The following GABRG3 variants were observed in gnomAD, a reference collection of about 807,000 sequenced individuals.
GABRG3 encodes gamma-aminobutyric acid receptor subunit gamma-3.
In GABRG3, 25 loss-of-function variants were observed where a neutral mutation model predicts 48.8. That is an observed-to-expected ratio of 0.51 (90% CI 0.37 to 0.72). The LOEUF is 0.72. GABRG3 is among the 30% of genes least tolerant of loss of function. GABRG3 has a pLI of 0.00. For synonymous variants in GABRG3, 227 were observed against 217.6 expected (o/e 1.04, Z -0.38); for missense variants, 394 against 577.9 (o/e 0.68, Z 3.26).
chr15:27,350,414 G>T (rs1894523106), intron 5 of GABRG3: 1 of 315,812 alleles, frequency 3.2e-6, no homozygotes, highest in East Asian at 7.9e-5. Flanking sequence ...TTTTCCAATT[G>T]TTTCTTTGTT....
chr15:27,499,481 CTT>C (rs978805651), intron 6 of GABRG3, among the ~76,000 whole-genome samples: 53 of 152,322 alleles, frequency 3.5e-4, no homozygotes, highest in Middle Eastern at 3.4e-3. Context: ...GAGGATTAGG[CTT>C]GCATTTGTTT....
rs1006535601 is a variant in GABRG3 at position 27,534,791 on chromosome 15, T to C, written c.*1910T>C. The C allele has an allele frequency of 3.9e-5, 6 of 152,212 alleles. No homozygotes were observed. Among genetic ancestry groups the C allele is most frequent in the African/African-American group, 1.2e-4 (5 of 41,462 alleles). The allele number at this position is 152,212 out of a possible 1,614,324, so 9.4% of individuals were successfully genotyped here. A position where few individuals can be genotyped will look rare whatever the true frequency, so the allele number is the denominator to read the frequency against. On this transcript the variant is annotated 3_prime_UTR_variant, in exon 10 of 10. Transcript: ENST00000615808. The stretch of plus-strand genomic sequence containing the variant: ...TGCATATTAAACGGATGCAAAGATA[T>C]AGATATGTCTGAATTTCCAAAGATG...
intron 5 of GABRG3, among the ~76,000 whole-genome samples, chr15:27,329,237 T>G (rs1182254406): frequency 6.6e-6 from 1 of 152,214 alleles, no homozygotes; most frequent in Non-Finnish European, 1.5e-5. Flanking sequence ...GATTTAACAT[T>G]ATCTTTTTTA....
rs1459224047 is a variant in GABRG3, at chr15:27,180,777, C to T, written c.271-146032C>T. ...TACCTCCTGGCCCTAAATCCACTGA[C>T]TAATGCTCTTATCCACTCACATTTT... On this transcript the variant is annotated intron_variant, in intron 3 of 9. Transcript: ENST00000615808. The surrounding 1 kb of genome is among the most constrained non-coding windows in gnomAD (Gnocchi z 4.2). 6.6e-6 allele frequency among the ~76,000 whole-genome samples: 1 copy of T among 152,168 alleles called. No homozygotes were observed. Among genetic ancestry groups the T allele is most frequent in the Non-Finnish European group, 1.5e-5 (1 of 68,032 alleles).
At chr15:27,376,751 A>C (rs1595713562) in intron 5 of GABRG3, among the ~76,000 whole-genome samples, 1 of 151,614 alleles carries the variant, frequency 6.6e-6, no homozygotes, top group African/African-American at 2.4e-5. Context: ...TTCCTCCTAC[A>C]CCTCCAAGCC....
In GABRG3 at chr15:27,358,448, T is replaced by C. The variant is rs547344687; in HGVS notation, c.574+29560T>C. 3.9e-5 allele frequency among the ~76,000 whole-genome samples: 6 copies of C among 152,212 alleles called. No homozygotes were observed. The East Asian group carries it at 9.7e-4, about 25-fold the overall frequency. On this transcript the variant is annotated intron_variant, in intron 5 of 9. Coordinates refer to ENST00000615808, the MANE Select transcript of GABRG3 (RefSeq NM_033223.5). Reference sequence around the variant, plus strand: ...AACGTTATTCCTATGCAAATGCTGCTGAGTCAAGACGGGGAGGGAAGTGCA... The same window carrying C: ...AACGTTATTCCTATGCAAATGCTGCCGAGTCAAGACGGGGAGGGAAGTGCA...
intron 9 of GABRG3, among the ~76,000 whole-genome samples, chr15:27,531,475 A>G (rs1389972627): frequency 6.6e-6 from 1 of 152,200 alleles, no homozygotes; most frequent in Non-Finnish European, 1.5e-5. Context: ...TGAATTCTGA[A>G]TGGCCTCTGT....
intron 7 of GABRG3, among the ~76,000 whole-genome samples, chr15:27,526,556 T>C (rs1027146354): frequency 6.6e-6 from 1 of 152,170 alleles, no homozygotes; most frequent in African/African-American, 2.4e-5. Flanking sequence ...CTGTTTCACA[T>C]GATAATCACT....
At chr15:27,102,108 G>A (rs1167873377) in intron 3 of GABRG3, among the ~76,000 whole-genome samples, 3 of 152,328 alleles carry the variant, frequency 2.0e-5, no homozygotes, top group East Asian at 3.9e-4. Flanking sequence ...GATGTGGGAT[G>A]TCTTCCAAAG....
chr15:27,146,519 C>T (rs1313854064), intron 3 of GABRG3, among the ~76,000 whole-genome samples: 2 of 152,034 alleles, frequency 1.3e-5, no homozygotes, highest in Non-Finnish European at 2.9e-5. Flanking sequence ...TACAATTCCT[C>T]CCTCAATATT....
chr15:27,028,262 G>T (rs1415907893), intron 3 of GABRG3, among the ~76,000 whole-genome samples: 1 of 152,132 alleles, frequency 6.6e-6, no homozygotes, highest in African/African-American at 2.4e-5. Context: ...GCAAGAGTGT[G>T]CTAGGTGGGA....
At chr15:27,309,300 ATG>A (rs60005048) in intron 3 of GABRG3, among the ~76,000 whole-genome samples, 1,718 of 150,100 alleles carry the variant, frequency 0.011, 33 homozygotes, top group East Asian at 0.09. Context: ...TGTTTTATAT[ATG>A]TGTGTGTGTG....
rs377519773 is a variant in GABRG3, at chr15:27,229,453, TTG to T, written c.271-97336_271-97335del. On this transcript the variant is annotated intron_variant, in intron 3 of 9. Transcript: ENST00000615808. ...TCATTGGTCTGTGTGCCTAGGTTTTTTGTGTGTGTGTGTGTGTGTGTTGTTGT... is the reference window on the plus strand; with the variant it reads ...TCATTGGTCTGTGTGCCTAGGTTTTTTGTGTGTGTGTGTGTGTGTTGTTGT... Among the ~76,000 whole-genome samples the T allele has an allele frequency of 9.9e-3, 1,042 of 105,062 alleles. 6 individuals carry two copies. The highest frequency in any genetic ancestry group is 0.041 in the African/African-American group (831 of 20,418). The allele number at this position is 105,062 out of a possible 152,430, so 68.9% of individuals were successfully genotyped here. A position where few individuals can be genotyped will look rare whatever the true frequency, so the allele number is the denominator to read the frequency against.
intron 3 of GABRG3, among the ~76,000 whole-genome samples, chr15:27,301,549 G>C (rs1190694383): frequency 6.6e-6 from 1 of 151,982 alleles, no homozygotes; most frequent in African/African-American, 2.4e-5. Context: ...AGAAATACTG[G>C]TGCTTGAGTT....
intron 5 of GABRG3, among the ~76,000 whole-genome samples, chr15:27,375,464 G>C (rs1263147897): frequency 6.6e-6 from 1 of 152,286 alleles, no homozygotes; most frequent in South Asian, 2.1e-4. Flanking sequence ...GAGTTGCAGG[G>C]ACAGCCGAGG....
At chr15:27,126,184 C>G (rs1897817680) in intron 3 of GABRG3, among the ~76,000 whole-genome samples, 1 of 152,200 alleles carries the variant, frequency 6.6e-6, no homozygotes, top group East Asian at 1.9e-4. Context: ...TTATTTTACA[C>G]TTTCTTTACT....
intron 6 of GABRG3, among the ~76,000 whole-genome samples, chr15:27,501,309 T>C (rs1397264796): frequency 3.3e-5 from 5 of 152,138 alleles, no homozygotes; most frequent in Non-Finnish European, 7.3e-5. Context: ...AACACCTTTG[T>C]CCCTGAAGAG....
At position 27,061,459 on chromosome 15, in the gene GABRG3, T is replaced by G. The variant is rs549314549; in HGVS notation, c.270+34638T>G. Among the ~76,000 whole-genome samples the G allele has an allele frequency of 1.9e-3, 291 of 152,226 alleles. 1 individual carries two copies. The highest frequency in any genetic ancestry group is 4.0e-3 in the African/African-American group (168 of 41,540). On this transcript the variant is annotated intron_variant, in intron 3 of 9. Coordinates refer to ENST00000615808, the MANE Select transcript of GABRG3 (RefSeq NM_033223.5). ...GAGGTAACTGCTCTTTTTTTTTTTT[T>G]TTGTTAAAATTAAATGTCATATTTT...
At chr15:27,087,117 C>G (rs754353943) in intron 3 of GABRG3, among the ~76,000 whole-genome samples, 1 of 152,232 alleles carries the variant, frequency 6.6e-6, no homozygotes, top group Non-Finnish European at 1.5e-5. Flanking sequence ...AGATGGGTGA[C>G]GTGACCTGAG....
Sources: gnomAD v4.1 joint callset for allele counts (sites outside exome capture counted in the v4.1 genomes callset) on GRCh38, gnomAD v4.1.1 for gene constraint, Gnocchi (gnomAD v3.1) non-coding constraint, MANE v1.5 for transcripts, NCBI Gene and HGNC (gene_info 2026-07-23, HGNC 2026-07-21) for gene names.